Variants in RAB11FIP4 observed in about 807,000 individuals in gnomAD.
RAB11FIP4 encodes the protein RAB11 family interacting protein 4, also known as rab11 family-interacting protein 4.
RAB11FIP4 carries 23 observed loss-of-function variants against 74.3 expected under a neutral mutation model. The ratio of observed to expected loss-of-function variants is 0.31; its 90% CI spans 0.22 to 0.44. The LOEUF is 0.44. RAB11FIP4 is among the 20% of genes least tolerant of loss of function. The pLI is 1.00. For missense variants in RAB11FIP4, 630 were observed against 863.9 expected, an observed-to-expected ratio of 0.73 and a Z score of 3.39; for synonymous variants, 360 against 359.9, an observed-to-expected ratio of 1.00 and a Z score of 0.00.
chr17:31,488,306 G>A, intron 3 of RAB11FIP4: 1 of 1,173,802 alleles, frequency 8.5e-7, no homozygotes, highest in African/African-American at 1.6e-5. Context: ...CGCTCGCAGG[G>A]CTCCGGCGGC....
chr17:31,492,123 GT>G (rs2072020728), intron 3 of RAB11FIP4, among the ~76,000 whole-genome samples: 1 of 152,088 alleles, frequency 6.6e-6, no homozygotes, highest in South Asian at 2.1e-4. Context: ...GCCTGCCCGT[GT>G]TTTCCGTACT....
intron 3 of RAB11FIP4, among the ~76,000 whole-genome samples, chr17:31,445,139 T>A (rs2071439269): frequency 6.6e-6 from 1 of 152,168 alleles, no homozygotes; most frequent in Non-Finnish European, 1.5e-5. Flanking sequence ...CTGCAGATGG[T>A]GCAAGAATAA....
At chr17:31,531,220 G>A in intron 14 of RAB11FIP4, 1 of 186,640 alleles carries the variant, frequency 5.4e-6, no homozygotes, top group South Asian at 1.1e-4. Flanking sequence ...AGCAGTGTGG[G>A]GCTGGGGGTG....
intron 3 of RAB11FIP4, among the ~76,000 whole-genome samples, chr17:31,452,646 G>A (rs924218443): frequency 6.6e-6 from 1 of 152,092 alleles, no homozygotes; most frequent in Non-Finnish European, 1.5e-5. Flanking sequence ...GGGACCACGC[G>A]GAAAGAGCCA....
At chr17:31,430,259 C>T (rs1290373212) in intron 1 of RAB11FIP4, among the ~76,000 whole-genome samples, 1 of 151,422 alleles carries the variant, frequency 6.6e-6, no homozygotes, top group Non-Finnish European at 1.5e-5. Context: ...GCCAGTGCAG[C>T]TAGAGTACAG....
intron 3 of RAB11FIP4, among the ~76,000 whole-genome samples, chr17:31,501,169 G>A (rs528647255): frequency 1.2e-3 from 183 of 150,752 alleles, no homozygotes; most frequent in Non-Finnish European, 2.2e-3. Context: ...AACTAATCGT[G>A]AAAGAGAATA....
chr17:31,505,498 AT>A (rs1470228088), intron 3 of RAB11FIP4, among the ~76,000 whole-genome samples: 1,504 of 84,166 alleles, frequency 0.018, 112 homozygotes, highest in African/African-American at 0.077. Context: ...ATATATAATT[AT>A]TATATTATAT....
intron 3 of RAB11FIP4, among the ~76,000 whole-genome samples, chr17:31,476,804 C>T (rs924988011): frequency 3.3e-5 from 5 of 152,242 alleles, no homozygotes; most frequent in African/African-American, 1.2e-4. Context: ...TGGTTTTCCC[C>T]TAAGTGGGTG....
At chr17:31,523,165 G>A (rs916176950) in intron 7 of RAB11FIP4, 1 of 352,296 alleles carries the variant, frequency 2.8e-6, no homozygotes, top group Non-Finnish European at 5.5e-6. Flanking sequence ...TACCTCCTTG[G>A]GGGCTTCCCC....
At chr17:31,433,681 T>C (rs2071330908) in intron 2 of RAB11FIP4, among the ~76,000 whole-genome samples, 2 of 152,138 alleles carry the variant, frequency 1.3e-5, no homozygotes, top group African/African-American at 4.8e-5. Context: ...GTGTTTGCTT[T>C]CTCCAGAGGC....
At chr17:31,409,113 G>C (rs995720943) in intron 1 of RAB11FIP4, among the ~76,000 whole-genome samples, 2 of 152,178 alleles carry the variant, frequency 1.3e-5, no homozygotes, top group African/African-American at 2.4e-5. Flanking sequence ...CTTGGATGGT[G>C]GTGGAGCCAG....
chr17:31,528,874 G>A lies in RAB11FIP4; in HGVS notation c.1653+96G>A, dbSNP rs76110287. On this transcript the variant is annotated intron_variant, in intron 13 of 14. Coordinates refer to ENST00000621161, the MANE Select transcript of RAB11FIP4 (RefSeq NM_032932.6). ...ATCTGTGGTAGGGGAGCCCAGAGCT[G>A]TAGCAGCACTGCCTGTCTGCTTCTC... 4,680 of 1,357,612 alleles carry A rather than the reference G, an allele frequency of 3.4e-3. 141 individuals carry two copies. In the African/African-American group the frequency reaches 0.061, roughly 18 times the overall value. The allele number at this position is 1,357,612 out of a possible 1,614,324, so 84.1% of individuals were successfully genotyped here. A position where few individuals can be genotyped will look rare whatever the true frequency, so the allele number is the denominator to read the frequency against.
At chr17:31,423,104 A>G (rs1276944401) in intron 1 of RAB11FIP4, among the ~76,000 whole-genome samples, 1 of 152,060 alleles carries the variant, frequency 6.6e-6, no homozygotes, top group Non-Finnish European at 1.5e-5. Flanking sequence ...CATTTTTAGT[A>G]GAGACGGGGT....
chr17:31,473,770 C>T (rs754964803), intron 3 of RAB11FIP4, among the ~76,000 whole-genome samples: 7 of 152,212 alleles, frequency 4.6e-5, no homozygotes, highest in Non-Finnish European at 8.8e-5. Flanking sequence ...TGGAGGGAAA[C>T]TTGACATTTG....
At chr17:31,415,590 G>A (rs1201844812) in intron 1 of RAB11FIP4, among the ~76,000 whole-genome samples, 1 of 151,996 alleles carries the variant, frequency 6.6e-6, no homozygotes, top group Non-Finnish European at 1.5e-5. Flanking sequence ...CGATCATAGA[G>A]ACTTCAGAGC....
intron 3 of RAB11FIP4, among the ~76,000 whole-genome samples, chr17:31,459,284 G>GTAAGTCCTTTGC (rs1275250266): frequency 6.6e-6 from 1 of 152,090 alleles, no homozygotes; most frequent in Non-Finnish European, 1.5e-5. Context: ...AGATGGATGA[G>GTAAGTCCTTTGC]CCATGTGGTC....
chr17:31,526,493 G>GT (rs949457969), intron 10 of RAB11FIP4: 1 of 152,326 alleles, frequency 6.6e-6, no homozygotes, highest in Non-Finnish European at 1.5e-5. Context: ...CCAGAGGGCA[G>GT]TGGAGGCCCA....
chr17:31,471,539 CACAGATA>C (rs1275289150), intron 3 of RAB11FIP4, among the ~76,000 whole-genome samples: 1 of 152,172 alleles, frequency 6.6e-6, no homozygotes, highest in African/African-American at 2.4e-5. Flanking sequence ...ATCCCCATTT[CACAGATA>C]ACAGGCTCAG....
At chr17:31,419,637 G>A (rs2151623048) in intron 1 of RAB11FIP4, among the ~76,000 whole-genome samples, 1 of 149,894 alleles carries the variant, frequency 6.7e-6, no homozygotes, top group African/African-American at 2.5e-5. Flanking sequence ...TGCAAGCTCC[G>A]CCTCCCGGGT....
Sources: gnomAD v4.1 joint callset for allele counts (sites outside exome capture counted in the v4.1 genomes callset) on GRCh38, gnomAD v4.1.1 for gene constraint, MANE v1.5 for transcripts, NCBI Gene and HGNC (gene_info 2026-07-23, HGNC 2026-07-21) for gene names.